The following ELAPOR2 variants were observed in gnomAD, a reference collection of about 807,000 sequenced individuals.
ELAPOR2 encodes endosome-lysosome associated apoptosis and autophagy regulator family member 2.
ELAPOR2 carries 89 observed loss-of-function variants against 120.7 expected under a neutral mutation model. The observed-to-expected ratio is 0.74, with a 90% confidence interval of 0.62 to 0.88. The LOEUF (loss-of-function observed/expected upper bound fraction) is 0.88, where lower values mean the gene tolerates loss of function less well. Ranked by LOEUF, ELAPOR2 falls within the 40% of genes least tolerant of loss-of-function variation. The pLI is 0.00. For synonymous variants in ELAPOR2, 444 were observed against 444.9 expected (o/e 1.00, Z 0.03); for missense variants, 1,134 against 1,251.6 (o/e 0.91, Z 1.42).
intron 1 of ELAPOR2, among the ~76,000 whole-genome samples, chr7:86,976,700 C>T (rs370871184): frequency 9.3e-4 from 141 of 152,216 alleles, no homozygotes; most frequent in African/African-American, 3.2e-3. Flanking sequence ...ACAAACCAAC[C>T]GTCTACAGAG....
At chr7:86,930,604 A>G (rs1790284143) in intron 8 of ELAPOR2, among the ~76,000 whole-genome samples, 1 of 151,992 alleles carries the variant, frequency 6.6e-6, no homozygotes. Flanking sequence ...TCAAGCCACT[A>G]GCAAAATCTC....
chr7:86,977,672 A>G (rs78070788), intron 1 of ELAPOR2, among the ~76,000 whole-genome samples: 4,853 of 152,306 alleles, frequency 0.032, 240 homozygotes, highest in African/African-American at 0.11. Context: ...GTTTTCCTAC[A>G]TCAGTTTCAA....
chr7:87,010,519 T>C (rs750254493), intron 1 of ELAPOR2, among the ~76,000 whole-genome samples: 2 of 152,226 alleles, frequency 1.3e-5, no homozygotes, highest in Non-Finnish European at 2.9e-5. Flanking sequence ...ACTTTTAAAA[T>C]GTGAGTTTCT....
rs185002711 is a variant in ELAPOR2 at position 86,979,117 on chromosome 7, T to C, written c.190-14093A>G. On this transcript the variant is annotated intron_variant, in intron 1 of 21. Coordinates refer to ENST00000450689, the MANE Select transcript of ELAPOR2 (RefSeq NM_001142749.3). ...CACAAGAGTTGGATTTACCTTTAAC[T>C]TTCTTTATAGCATCTGAATAAAGAT... Among the ~76,000 whole-genome samples the C allele has an allele frequency of 3.7e-3, 486 of 130,190 alleles. 1 individual carries two copies. Among genetic ancestry groups the C allele is most frequent in the African/African-American group, 0.015 (463 of 30,026 alleles). The allele number at this position is 130,190 out of a possible 152,430, so 85.4% of individuals were successfully genotyped here. A position where few individuals can be genotyped will look rare whatever the true frequency, so the allele number is the denominator to read the frequency against.
intron 1 of ELAPOR2, among the ~76,000 whole-genome samples, chr7:87,003,259 G>A (rs1793373527): frequency 6.6e-6 from 1 of 152,110 alleles, no homozygotes; most frequent in Admixed American, 6.6e-5. Flanking sequence ...AGGCCATAAT[G>A]TATATGGTAC....
At chr7:86,993,265 AAGG>A (rs757659664) in intron 1 of ELAPOR2, among the ~76,000 whole-genome samples, 46 of 150,870 alleles carry the variant, frequency 3.0e-4, no homozygotes, top group Admixed American at 1.3e-3. Flanking sequence ...AAGAAAAGAA[AAGG>A]AAAGAAAAAG....
intron 1 of ELAPOR2, among the ~76,000 whole-genome samples, chr7:87,016,007 C>T (rs1562969199): frequency 1.3e-5 from 2 of 152,142 alleles, no homozygotes; most frequent in South Asian, 4.1e-4. Context: ...TACCTTCACA[C>T]TCTCAAGTCT....
intron 1 of ELAPOR2, among the ~76,000 whole-genome samples, chr7:86,967,748 A>T (rs567745874): frequency 6.6e-6 from 1 of 152,300 alleles, no homozygotes; most frequent in African/African-American, 2.4e-5. Context: ...GTCATGTGCC[A>T]ATTAATTTTC....
At chr7:87,002,660 G>A (rs1465068198) in intron 1 of ELAPOR2, among the ~76,000 whole-genome samples, 3 of 151,972 alleles carry the variant, frequency 2.0e-5, no homozygotes, top group Admixed American at 2.0e-4. Flanking sequence ...CTTCATTGGG[G>A]GTAGAGTTCC....
intron 21 of ELAPOR2, among the ~76,000 whole-genome samples, chr7:86,885,633 G>A (rs1433588601): frequency 2.0e-5 from 3 of 152,108 alleles, no homozygotes; most frequent in African/African-American, 7.2e-5. Flanking sequence ...AACCTGGAGA[G>A]GGTTTCTTAA....
intron 3 of ELAPOR2, among the ~76,000 whole-genome samples, chr7:86,947,085 A>G (rs1398163048): frequency 6.6e-6 from 1 of 152,126 alleles, no homozygotes; most frequent in East Asian, 1.9e-4. Context: ...CTGAGAGGCT[A>G]CTCTTGTCAG....
intron 2 of ELAPOR2, among the ~76,000 whole-genome samples, chr7:86,959,226 T>C (rs577979532): frequency 6.6e-6 from 1 of 152,248 alleles, no homozygotes; most frequent in South Asian, 2.1e-4. Flanking sequence ...GTGTGTGGAG[T>C]CTCTAGGGTT....
intron 1 of ELAPOR2, among the ~76,000 whole-genome samples, chr7:87,039,783 G>C (rs1023528824): frequency 6.6e-6 from 1 of 152,234 alleles, no homozygotes; most frequent in Non-Finnish European, 1.5e-5. Flanking sequence ...TGGCCGAATA[G>C]GAACAGCTCT....
chr7:87,021,869 T>A (rs11973613), intron 1 of ELAPOR2, among the ~76,000 whole-genome samples: 1 of 152,180 alleles, frequency 6.6e-6, no homozygotes, highest in African/African-American at 2.4e-5. Flanking sequence ...GATTGGGGGC[T>A]ATTCTTTTAA....
intron 2 of ELAPOR2, among the ~76,000 whole-genome samples, chr7:86,951,728 C>A (rs1446950029): frequency 6.6e-6 from 1 of 152,170 alleles, no homozygotes; most frequent in African/African-American, 2.4e-5. Context: ...TTCCTGGGAA[C>A]CTTTGGTCAC....
At chr7:86,919,544 A>C (rs1360961409) in intron 10 of ELAPOR2, among the ~76,000 whole-genome samples, 1 of 152,176 alleles carries the variant, frequency 6.6e-6, no homozygotes, top group Non-Finnish European at 1.5e-5. Context: ...TGGGATAACA[A>C]CAGTTTTCTC....
At chr7:86,943,259 TCTA>T (rs1442880912) in intron 4 of ELAPOR2, among the ~76,000 whole-genome samples, 1 of 151,510 alleles carries the variant, frequency 6.6e-6, no homozygotes, top group Non-Finnish European at 1.5e-5. Flanking sequence ...AAAACCTAAG[TCTA>T]ATCACTTAGT....
At chr7:86,947,691 T>C (rs1158234485) in intron 3 of ELAPOR2, 36 bp downstream of exon 3, 1 of 1,508,734 alleles carries the variant, frequency 6.6e-7, no homozygotes, top group Non-Finnish European at 9.0e-7. Context: ...TTCTCAAATA[T>C]TCAGTTAAGA....
intron 18 of ELAPOR2, 37 bp downstream of exon 18, chr7:86,907,633 C>T: frequency 7.6e-7 from 1 of 1,316,302 alleles, no homozygotes; most frequent in Non-Finnish European, 1.1e-6. Context: ...GTTTTTCTTC[C>T]TCATGGTAAA....
Sources: allele counts gnomAD v4.1 joint callset (sites outside exome capture counted in the v4.1 genomes callset), GRCh38; gene constraint gnomAD v4.1.1; transcripts MANE v1.5; gene names NCBI Gene and HGNC (gene_info 2026-07-23, HGNC 2026-07-21).